Variants in OCA2 observed in about 807,000 individuals in gnomAD.
The protein encoded by OCA2 is OCA2 melanosomal transmembrane protein.
OCA2 carries 77 observed loss-of-function variants against 100.2 expected under a neutral mutation model. That is an observed-to-expected ratio of 0.77 (90% CI 0.64 to 0.93). OCA2 has a LOEUF of 0.93. OCA2 is among the 40% of genes least tolerant of loss of function. The probability of loss-of-function intolerance (pLI) is 0.00; values close to 1 mark genes in which losing one functional copy is unlikely to be tolerated. For synonymous variants in OCA2, 432 were observed against 439.2 expected (o/e 0.98, Z 0.21); for missense variants, 1,062 against 1,089.1 (o/e 0.98, Z 0.35).
At chr15:28,012,300 A>G (rs762563111) in intron 9 of OCA2, among the ~76,000 whole-genome samples, 2 of 152,228 alleles carry the variant, frequency 1.3e-5, no homozygotes, top group Non-Finnish European at 2.9e-5. Context: ...GACAGCTATG[A>G]CAGAAGGGCC....
chr15:28,013,569 A>G (rs1021663805), intron 9 of OCA2, among the ~76,000 whole-genome samples: 4 of 152,158 alleles, frequency 2.6e-5, no homozygotes, highest in Admixed American at 1.3e-4. Flanking sequence ...CGGCCTCCAC[A>G]AAAACTCAGT....
At chr15:28,044,116 A>C (rs1251340998) in intron 2 of OCA2, among the ~76,000 whole-genome samples, 1 of 152,228 alleles carries the variant, frequency 6.6e-6, no homozygotes, top group Non-Finnish European at 1.5e-5. Context: ...ACTTGTGTTA[A>C]CATTTTTCAT....
At chr15:27,740,325 C>T in the OCA2 span, among the ~76,000 whole-genome samples, 1 of 152,112 alleles carries the variant, frequency 6.6e-6, no homozygotes, top group Non-Finnish European at 1.5e-5. Context: ...TCAAAAGGTC[C>T]CCTACATTTT....
chr15:27,860,169 G>A (rs1197937159), intron 21 of OCA2, among the ~76,000 whole-genome samples: 1 of 152,100 alleles, frequency 6.6e-6, no homozygotes. Flanking sequence ...GGAGGATGAG[G>A]TTGTCAATTT....
chr15:27,743,902 T>C, the OCA2 span, among the ~76,000 whole-genome samples: 3 of 152,156 alleles, frequency 2.0e-5, no homozygotes, highest in Admixed American at 6.5e-5. Context: ...CCTTCACACC[T>C]GGCCACCACG....
intron 2 of OCA2, among the ~76,000 whole-genome samples, chr15:28,033,488 A>C (rs1252580364): frequency 6.6e-6 from 1 of 152,204 alleles, no homozygotes; most frequent in Non-Finnish European, 1.5e-5. Flanking sequence ...TGGGCCCCTG[A>C]GTTGTGTCTA....
At chr15:27,920,629 A>C (rs1172971106) in intron 19 of OCA2, among the ~76,000 whole-genome samples, 1 of 152,168 alleles carries the variant, frequency 6.6e-6, no homozygotes, top group Non-Finnish European at 1.5e-5. Context: ...AAATATGTTT[A>C]GAGAATTAAA....
chr15:27,727,069 G>T, the OCA2 span, among the ~76,000 whole-genome samples: 2 of 152,220 alleles, frequency 1.3e-5, no homozygotes, highest in African/African-American at 4.8e-5. Flanking sequence ...AAGCTCACAG[G>T]CATGAGATGT....
chr15:28,038,716 A>T (rs886503593), intron 2 of OCA2, among the ~76,000 whole-genome samples: 1 of 152,244 alleles, frequency 6.6e-6, no homozygotes, highest in Non-Finnish European at 1.5e-5. Context: ...AGAAGACTGT[A>T]AGCACTCACC....
chr15:28,079,037 G>A (rs184136214), intron 2 of OCA2, among the ~76,000 whole-genome samples: 6 of 152,254 alleles, frequency 3.9e-5, no homozygotes, highest in South Asian at 2.1e-4. Context: ...AACAGAAAAC[G>A]AGGCTACAAG....
chr15:27,883,180 C>CCTA (rs1230755875), intron 19 of OCA2, among the ~76,000 whole-genome samples: 1 of 152,138 alleles, frequency 6.6e-6, no homozygotes, highest in African/African-American at 2.4e-5. Context: ...TTACTAGCTA[C>CCTA]CTATGCCACC....
chr15:27,814,252 AAGG>A (rs907568770), intron 23 of OCA2, among the ~76,000 whole-genome samples: 12 of 147,978 alleles, frequency 8.1e-5, no homozygotes, highest in African/African-American at 2.2e-4. Flanking sequence ...TTATAAGTAG[AAGG>A]AGAAGAATGT....
At chr15:28,085,363 TAGA>T (rs1187149100) in intron 1 of OCA2, among the ~76,000 whole-genome samples, 3 of 152,064 alleles carry the variant, frequency 2.0e-5, no homozygotes, top group Non-Finnish European at 4.4e-5. Context: ...TGAGAACTTC[TAGA>T]AGGAGCTGGA....
intron 2 of OCA2, among the ~76,000 whole-genome samples, chr15:28,058,135 TC>T (rs967275110): frequency 3.3e-5 from 5 of 151,674 alleles, no homozygotes; most frequent in East Asian, 3.9e-4. Flanking sequence ...AGCTTGAGGG[TC>T]CCCCCCAATA....
At chr15:27,843,156 C>A (rs1470094589) in intron 23 of OCA2, among the ~76,000 whole-genome samples, 2 of 152,076 alleles carry the variant, frequency 1.3e-5, no homozygotes, top group Admixed American at 6.5e-5. Flanking sequence ...TATGGGTTGC[C>A]AGAGAGTAGA....
At chr15:27,843,285 G>A (rs1395831938) in intron 23 of OCA2, among the ~76,000 whole-genome samples, 1 of 152,134 alleles carries the variant, frequency 6.6e-6, no homozygotes, top group Non-Finnish European at 1.5e-5. Flanking sequence ...GGCAGAGCTG[G>A]TAGAGAGGGT....
In OCA2 at chr15:28,043,794, A is replaced by C. The variant is rs1228816700; in HGVS notation, c.228-11631T>G. Among the ~76,000 whole-genome samples the C allele has an allele frequency of 6.6e-6, 1 of 152,196 alleles. No homozygotes were observed. The highest frequency in any genetic ancestry group is 2.4e-5 in the African/African-American group (1 of 41,464). ...GGGCTGGTTATTGAAGAGATAAATC[A>C]TTTTTATTGCACAAAGCACAGAAGT... On this transcript the variant is annotated intron_variant, in intron 2 of 23. Coordinates refer to ENST00000354638, the MANE Select transcript of OCA2 (RefSeq NM_000275.3). This position sits in a 1 kb window ranked among gnomAD's most constrained non-coding sequence, Gnocchi z 4.4.
chr15:28,021,759 T>C (rs1448096793), intron 6 of OCA2, among the ~76,000 whole-genome samples: 1 of 152,070 alleles, frequency 6.6e-6, no homozygotes. Context: ...GCATCTAATC[T>C]GGCAGCCAGA....
Position 27,972,102 on chromosome 15 carries a change from T to G in OCA2, c.1504-5280A>C, listed in dbSNP as rs564478434. On this transcript the variant is annotated intron_variant, in intron 14 of 23. Transcript: ENST00000354638. ...TTTTCCATTTCTGAGTTACTTCACT[T>G]AGAATAATGGCCTCCAGTTCCATCC... 1.1e-3 allele frequency among the ~76,000 whole-genome samples: 163 copies of G among 152,362 alleles called. 1 individual carries two copies. The highest frequency in any genetic ancestry group is 3.8e-3 in the African/African-American group (159 of 41,592).
Sources: gnomAD v4.1 joint callset for allele counts (sites outside exome capture counted in the v4.1 genomes callset) on GRCh38, gnomAD v4.1.1 for gene constraint, Gnocchi (gnomAD v3.1) non-coding constraint, MANE v1.5 for transcripts, NCBI Gene and HGNC (gene_info 2026-07-23, HGNC 2026-07-21) for gene names.